The following FANCC variants were observed in gnomAD, a reference collection of about 807,000 sequenced individuals.
The protein encoded by FANCC is FA complementation group C.
A neutral mutation model predicts 71.3 loss-of-function variants in FANCC; 55 were observed. That is an observed-to-expected ratio of 0.77 (90% confidence interval 0.62 to 0.97). The LOEUF is 0.97. Ranked by LOEUF, FANCC falls within the 50% of genes least tolerant of loss-of-function variation. The probability of loss-of-function intolerance (pLI) is 0.00; values close to 1 mark genes in which losing one functional copy is unlikely to be tolerated. For missense variants in FANCC, 678 were observed against 670.9 expected, an observed-to-expected ratio of 1.01 and a Z score of -0.12; for synonymous variants, 275 against 244.9, an observed-to-expected ratio of 1.12 and a Z score of -1.15.
At chr9:95,233,913 G>C (rs1830148449) in intron 4 of FANCC, among the ~76,000 whole-genome samples, 1 of 152,240 alleles carries the variant, frequency 6.6e-6, no homozygotes, top group Non-Finnish European at 1.5e-5. Flanking sequence ...GTGGGACCCT[G>C]AGGGAAGGGT....
chr9:95,314,753 CA>C (rs1273539341), intron 1 of FANCC, among the ~76,000 whole-genome samples: 2 of 151,812 alleles, frequency 1.3e-5, no homozygotes, highest in African/African-American at 4.8e-5. Context: ...AATAAAACTT[CA>C]AAATTAATTT....
At chr9:95,172,268 T>G in intron 4 of FANCC, 121 bp from the exon 5 acceptor site, 2 of 633,050 alleles carry the variant, frequency 3.2e-6, no homozygotes, top group East Asian at 2.8e-5. Context: ...AAAATCTGTT[T>G]GTCAAAGTAC....
At chr9:95,284,250 A>C (rs1433031904) in intron 1 of FANCC, among the ~76,000 whole-genome samples, 2 of 152,332 alleles carry the variant, frequency 1.3e-5, no homozygotes, top group South Asian at 4.1e-4. Context: ...ACACAGCCTG[A>C]AAGCCCCAAA....
chr9:95,147,572 AT>A (rs1829734184), intron 7 of FANCC, among the ~76,000 whole-genome samples: 1 of 152,226 alleles, frequency 6.6e-6, no homozygotes, highest in South Asian at 2.1e-4. Context: ...TCTCTGACTC[AT>A]GAGATGGAGA....
At chr9:95,250,691 C>T (rs1831274617) in intron 1 of FANCC, among the ~76,000 whole-genome samples, 1 of 152,248 alleles carries the variant, frequency 6.6e-6, no homozygotes, top group African/African-American at 2.4e-5. Flanking sequence ...CACCACCTGT[C>T]AAGTCTACCA....
chr9:95,105,905 G>A (rs887400114), intron 14 of FANCC, among the ~76,000 whole-genome samples: 11 of 152,194 alleles, frequency 7.2e-5, no homozygotes, highest in African/African-American at 2.4e-4. Context: ...TCTGCCTGCT[G>A]GCTGCTGAGA....
chr9:95,223,369 C>T (rs560462190), intron 4 of FANCC, among the ~76,000 whole-genome samples: 7 of 152,312 alleles, frequency 4.6e-5, no homozygotes, highest in Non-Finnish European at 8.8e-5. Flanking sequence ...CTTTCTTCAT[C>T]TCCACATAGC....
chr9:95,116,075 A>G (rs1311855668), intron 11 of FANCC, among the ~76,000 whole-genome samples: 1 of 152,252 alleles, frequency 6.6e-6, no homozygotes, highest in Non-Finnish European at 1.5e-5. Flanking sequence ...ATATTTGGAC[A>G]TAAATCTACA....
intron 4 of FANCC, among the ~76,000 whole-genome samples, chr9:95,206,607 G>A (rs1196711113): frequency 6.6e-6 from 1 of 152,112 alleles, no homozygotes; most frequent in Non-Finnish European, 1.5e-5. Context: ...AATGAAAATA[G>A]ATATGCCACT....
At chr9:95,208,738 C>T (rs901623872) in intron 4 of FANCC, among the ~76,000 whole-genome samples, 2 of 152,130 alleles carry the variant, frequency 1.3e-5, no homozygotes, top group South Asian at 2.1e-4. Context: ...CCTGCTAACA[C>T]CAAATGCTGA....
intron 1 of FANCC, among the ~76,000 whole-genome samples, chr9:95,260,754 A>C (rs1831994256): frequency 6.6e-6 from 1 of 152,204 alleles, no homozygotes; most frequent in African/African-American, 2.4e-5. Flanking sequence ...CAAAGAAAAA[A>C]GGAAAAAGTA....
intron 12 of FANCC, 100 bp downstream of exon 12, chr9:95,114,529 A>G: frequency 9.5e-7 from 1 of 1,056,036 alleles, no homozygotes; most frequent in South Asian, 1.3e-5. Flanking sequence ...ATGGTCCCAG[A>G]CCAGTAATGC....
intron 1 of FANCC, among the ~76,000 whole-genome samples, chr9:95,280,926 A>T (rs1833351335): frequency 6.6e-6 from 1 of 152,240 alleles, no homozygotes; most frequent in Non-Finnish European, 1.5e-5. Context: ...AAAATCCAAC[A>T]GAAAGCATCA....
rs2071003899 is a variant in FANCC at position 95,099,279 on chromosome 9, T to C, written c.*2428A>G. 1 of 221,362 alleles carries C rather than the reference T, an allele frequency of 4.5e-6. No individual in the cohort carries two copies. The highest frequency in any genetic ancestry group is 9.0e-6 in the Non-Finnish European group (1 of 110,832). The allele number at this position is 221,362 out of a possible 1,614,324, so 13.7% of individuals were successfully genotyped here. A position where few individuals can be genotyped will look rare whatever the true frequency, so the allele number is the denominator to read the frequency against. On this transcript the variant is annotated 3_prime_UTR_variant, in exon 15 of 15. Transcript: ENST00000289081. ...ATCAGGGAGAGTCTACAAAAACTCC[T>C]GCTAGAGTAAGGTCAGATTCCAGAC...
chr9:95,135,276 TCTGA>T (rs1827509763), intron 8 of FANCC, 66 bp downstream of exon 8: 12 of 1,465,964 alleles, frequency 8.2e-6, no homozygotes, highest in African/African-American at 1.4e-5. Context: ...CCTTTCATTC[TCTGA>T]CTAAAAGAAA....
intron 1 of FANCC, among the ~76,000 whole-genome samples, chr9:95,287,350 G>A (rs1029789389): frequency 3.9e-5 from 6 of 152,098 alleles, no homozygotes; most frequent in African/African-American, 1.2e-4. Context: ...ACTTAAGGAG[G>A]AACTATCATT....
chr9:95,228,589 C>G lies in FANCC; in HGVS notation c.345+12060G>C, dbSNP rs145383545. 4.6e-5 allele frequency among the ~76,000 whole-genome samples: 7 copies of G among 152,346 alleles called. No homozygotes were observed. In the East Asian group the frequency reaches 1.4e-3, roughly 29 times the overall value. On this transcript the variant is annotated intron_variant, in intron 4 of 14. Transcript: ENST00000289081. ...GTCTCTGCACTCATGGAACATGTAA[C>G]TTAGTTGGGAGGTAATGGGGAGACA...
intron 1 of FANCC, among the ~76,000 whole-genome samples, chr9:95,263,780 G>A (rs1832217961): frequency 6.6e-6 from 1 of 152,056 alleles, no homozygotes; most frequent in African/African-American, 2.4e-5. Flanking sequence ...GGGTCTCGGG[G>A]ACCCTGGGCC....
At chr9:95,270,327 C>T (rs941438896) in intron 1 of FANCC, among the ~76,000 whole-genome samples, 3 of 152,094 alleles carry the variant, frequency 2.0e-5, no homozygotes, top group Non-Finnish European at 4.4e-5. Flanking sequence ...CAGGCCAACA[C>T]GAGAGGGGAG....
Sources: allele counts gnomAD v4.1 joint callset (sites outside exome capture counted in the v4.1 genomes callset), GRCh38; gene constraint gnomAD v4.1.1; transcripts MANE v1.5; gene names NCBI Gene and HGNC (gene_info 2026-07-23, HGNC 2026-07-21).